The following FOXO1 variants were observed in gnomAD, a reference collection of about 807,000 sequenced individuals.
FOXO1 encodes forkhead box O1.
A neutral mutation model predicts 44.1 loss-of-function variants in FOXO1; 6 were observed. The ratio of observed to expected loss-of-function variants is 0.14; its 90% confidence interval spans 0.07 to 0.27. The LOEUF is 0.27. Ranked by LOEUF, FOXO1 falls within the 10% of genes least tolerant of loss-of-function variation. The pLI, the probability that FOXO1 is intolerant of heterozygous loss-of-function variation, is 1.00. For missense variants in FOXO1, 737 were observed against 888.8 expected (o/e 0.83, Z 2.17); for synonymous variants, 380 against 362.7 (o/e 1.05, Z -0.54).
intron 1 of FOXO1, among the ~76,000 whole-genome samples, chr13:40,562,030 C>A (rs1874046289): frequency 6.6e-6 from 1 of 151,400 alleles, no homozygotes; most frequent in Non-Finnish European, 1.5e-5. Flanking sequence ...GATTCATTCA[C>A]ACCTTTAAAG....
chr13:40,652,020 T>C (rs913942434), intron 1 of FOXO1, among the ~76,000 whole-genome samples: 2 of 152,146 alleles, frequency 1.3e-5, no homozygotes, highest in Non-Finnish European at 1.5e-5. Context: ...ATGGCCTACA[T>C]ACCTACCCAT....
At chr13:40,597,816 G>C (rs1170126623) in intron 1 of FOXO1, among the ~76,000 whole-genome samples, 4 of 152,102 alleles carry the variant, frequency 2.6e-5, no homozygotes, top group Non-Finnish European at 4.4e-5. Context: ...CTTTTCAAAG[G>C]GATTAGAGGT....
At chr13:40,658,661 G>C (rs865837394) in intron 1 of FOXO1, among the ~76,000 whole-genome samples, 1 of 152,184 alleles carries the variant, frequency 6.6e-6, no homozygotes. Flanking sequence ...GATGGCAGGA[G>C]GACCATTGTA....
At chr13:40,570,720 C>T (rs1170366902) in intron 1 of FOXO1, among the ~76,000 whole-genome samples, 5 of 152,080 alleles carry the variant, frequency 3.3e-5, no homozygotes, top group Non-Finnish European at 7.4e-5. Flanking sequence ...ACATGAGAAC[C>T]CTGTATTAAA....
chr13:40,650,084 T>C (rs1877628729), intron 1 of FOXO1, among the ~76,000 whole-genome samples: 1 of 152,162 alleles, frequency 6.6e-6, no homozygotes, highest in African/African-American at 2.4e-5. Flanking sequence ...GATTGCCCAT[T>C]TTTATGGCTA....
chr13:40,615,075 T>C (rs538955083), intron 1 of FOXO1, among the ~76,000 whole-genome samples: 2 of 152,258 alleles, frequency 1.3e-5, no homozygotes, highest in South Asian at 2.1e-4. Flanking sequence ...CAGAGGTAGA[T>C]AAAATGCACA....
intron 1 of FOXO1, among the ~76,000 whole-genome samples, chr13:40,660,426 A>G (rs928753152): frequency 1.3e-5 from 2 of 152,218 alleles, no homozygotes; most frequent in African/African-American, 4.8e-5. Flanking sequence ...TGTTCCAGAA[A>G]AATGCAAATC....
rs944034453 is a variant in FOXO1 at position 40,562,216 on chromosome 13, C to T, written c.631-1356G>A. Among the ~76,000 whole-genome samples, 4 of 152,166 alleles carry T rather than the reference C, an allele frequency of 2.6e-5. No homozygotes were observed. In the East Asian group the frequency reaches 5.8e-4, roughly 22 times the overall value. On this transcript the variant is annotated intron_variant, in intron 1 of 2. Coordinates refer to ENST00000379561, the MANE Select transcript of FOXO1 (RefSeq NM_002015.4). Reference sequence around the variant, plus strand: ...ACCAACTAACTCCATGACACACCTCCACGTAGCCAGGGGCTACACTGTCCA... The same window carrying T: ...ACCAACTAACTCCATGACACACCTCTACGTAGCCAGGGGCTACACTGTCCA...
intron 1 of FOXO1, among the ~76,000 whole-genome samples, chr13:40,644,600 G>A (rs1427881742): frequency 6.6e-6 from 1 of 152,158 alleles, no homozygotes; most frequent in Non-Finnish European, 1.5e-5. Context: ...CTTCTAAAGT[G>A]TTTTTCAGGA....
rs541136976 is a variant in FOXO1 at position 40,603,249 on chromosome 13, G to C, written c.631-42389C>G. Among the ~76,000 whole-genome samples the C allele has an allele frequency of 2.6e-5, 4 of 151,596 alleles. No individual in the cohort carries two copies. The South Asian group carries it at 8.3e-4, about 32-fold the overall frequency. ...ATCCTAAAGAAAGTAGGTTAGCTAT[G>C]GCTTTTGGCAGTCAATGCTCTTAAT... On this transcript the variant is annotated intron_variant, in intron 1 of 2. Coordinates refer to ENST00000379561, the MANE Select transcript of FOXO1 (RefSeq NM_002015.4).
At chr13:40,621,653 T>C (rs974155243) in intron 1 of FOXO1, among the ~76,000 whole-genome samples, 4 of 152,210 alleles carry the variant, frequency 2.6e-5, no homozygotes, top group Non-Finnish European at 5.9e-5. Flanking sequence ...CACAATTCAA[T>C]AGGTTAAAAA....
At chr13:40,651,715 C>A (rs138419541) in intron 1 of FOXO1, among the ~76,000 whole-genome samples, 9,017 of 150,820 alleles carry the variant, frequency 0.06, 660 homozygotes, top group East Asian at 0.39. Context: ...AAATATACAT[C>A]ATATTTATAA....
At chr13:40,625,231 G>A (rs1349623662) in intron 1 of FOXO1, among the ~76,000 whole-genome samples, 1 of 152,202 alleles carries the variant, frequency 6.6e-6, no homozygotes, top group Non-Finnish European at 1.5e-5. Context: ...AATGTGGCAT[G>A]TTGATAATTT....
At chr13:40,616,158 C>T (rs1432942111) in intron 1 of FOXO1, among the ~76,000 whole-genome samples, 1 of 152,156 alleles carries the variant, frequency 6.6e-6, no homozygotes, top group Non-Finnish European at 1.5e-5. Context: ...AGGAAAAACG[C>T]CTTCTTCCTA....
intron 1 of FOXO1, among the ~76,000 whole-genome samples, chr13:40,570,645 C>CCAAAGG (rs1874455443): frequency 6.6e-6 from 1 of 152,124 alleles, no homozygotes; most frequent in African/African-American, 2.4e-5. Flanking sequence ...TTACACCATA[C>CCAAAGG]CAAAGCTTTT....
At chr13:40,649,152 T>G (rs151293837) in intron 1 of FOXO1, among the ~76,000 whole-genome samples, 5 of 152,150 alleles carry the variant, frequency 3.3e-5, no homozygotes, top group Non-Finnish European at 5.9e-5. Flanking sequence ...ACAAGCCTCA[T>G]AGGGCACATG....
intron 1 of FOXO1, among the ~76,000 whole-genome samples, chr13:40,618,532 T>C (rs538630126): frequency 1.8e-4 from 27 of 152,256 alleles, no homozygotes; most frequent in African/African-American, 6.5e-4. Flanking sequence ...GAGAGGACAA[T>C]AATTGTTATT....
At chr13:40,649,155 G>A (rs566720494) in intron 1 of FOXO1, among the ~76,000 whole-genome samples, 1 of 152,158 alleles carries the variant, frequency 6.6e-6, no homozygotes, top group African/African-American at 2.4e-5. Flanking sequence ...AGCCTCATAG[G>A]GCACATGACT....
chr13:40,567,674 A>C (rs1205547671), intron 1 of FOXO1, among the ~76,000 whole-genome samples: 1 of 152,152 alleles, frequency 6.6e-6, no homozygotes, highest in Admixed American at 6.5e-5. Flanking sequence ...ACAGGTGATA[A>C]ATTTACACAA....
Sources: allele counts gnomAD v4.1 joint callset (sites outside exome capture counted in the v4.1 genomes callset), GRCh38; gene constraint gnomAD v4.1.1; transcripts MANE v1.5; gene names NCBI Gene and HGNC (gene_info 2026-07-23, HGNC 2026-07-21).